DNAH9: variants seen among roughly 807,000 people sequenced by gnomAD.
The protein encoded by DNAH9 is dynein axonemal heavy chain 9.
Under a neutral mutation model 471.6 loss-of-function variants are expected in DNAH9, and 345 were observed. The ratio of observed to expected loss-of-function variants is 0.73; its 90% CI spans 0.67 to 0.80. The LOEUF is 0.80. DNAH9 is among the 30% of genes least tolerant of loss of function. The pLI, the probability that DNAH9 is intolerant of heterozygous loss-of-function variation, is 0.00. For synonymous variants in DNAH9, 2,093 were observed against 2,123.6 expected (o/e 0.99, Z 0.40); for missense variants, 5,407 against 5,609.2 (o/e 0.96, Z 1.15).
chr17:11,750,043 A>T (rs1353095874), intron 32 of DNAH9, among the ~76,000 whole-genome samples: 1 of 152,194 alleles, frequency 6.6e-6, no homozygotes, highest in Non-Finnish European at 1.5e-5. Context: ...TATTAGATTT[A>T]TACATTAAAT....
At chr17:11,774,629 C>T (rs144458623) in intron 38 of DNAH9, among the ~76,000 whole-genome samples, 5,224 of 152,212 alleles carry the variant, frequency 0.034, 118 homozygotes, top group South Asian at 0.068. Context: ...TACCTCCCAC[C>T]AGGTAGGACA....
Position 11,745,072 on chromosome 17 carries a change from C to T in DNAH9, c.6387C>T (p.Asn2129=), listed in dbSNP as rs2075500032. The part of the protein sequence containing the change: ...IVDLKLQAED[N]FVLKVVQLEE... The stretch of plus-strand genomic sequence containing the variant: ...ATCTGAAGCTCCAGGCTGAGGACAA[C>T]TTTGTGCTCAAGGTACATGTGGTTT... The change falls in exon 31 of 69, where the codon AAC becomes AAT. Residue 2129 remains asparagine, a synonymous_variant. Coordinates refer to ENST00000262442, the MANE Select transcript of DNAH9 (RefSeq NM_001372.4). 1 of 1,612,352 alleles carries T rather than the reference C, an allele frequency of 6.2e-7. No individual in the cohort carries two copies. The highest frequency in any genetic ancestry group is 8.5e-7 in the Non-Finnish European group (1 of 1,178,718).
intron 28 of DNAH9, among the ~76,000 whole-genome samples, chr17:11,737,186 CT>C (rs1463203173): frequency 1.3e-5 from 2 of 152,242 alleles, no homozygotes; most frequent in East Asian, 3.8e-4. Context: ...AAACTAATTG[CT>C]GTGAGCTCAA....
intron 17 of DNAH9, among the ~76,000 whole-genome samples, chr17:11,672,467 G>A (rs1419042780): frequency 6.6e-6 from 1 of 152,102 alleles, no homozygotes; most frequent in Non-Finnish European, 1.5e-5. Context: ...GGTAAGGTAT[G>A]GTTGCTCTTC....
In DNAH9 at chr17:11,738,964, G is replaced by C. The variant is rs141526585; in HGVS notation, c.5899G>C (p.Gly1967Arg). 6.2e-7 allele frequency: 1 copy of C among 1,613,922 alleles called. No homozygotes were observed. The change falls in exon 29 of 69, where the codon GGT becomes CGT. Residue 1967 changes from glycine to arginine, a missense_variant. Gly to Arg is a moderately radical substitution (Grantham distance 125, BLOSUM62 -2). Coordinates refer to ENST00000262442, the MANE Select transcript of DNAH9 (RefSeq NM_001372.4). ...GEEISLNPSV[G>R]IFITMNPGYA... ...GGAGATCAGCCTGAATCCTTCTGTCGGTATCTTCATCACCATGAACCCAGG... is the reference window on the plus strand; with the variant it reads ...GGAGATCAGCCTGAATCCTTCTGTCCGTATCTTCATCACCATGAACCCAGG...
intron 18 of DNAH9, among the ~76,000 whole-genome samples, chr17:11,680,314 C>T (rs1372580448): frequency 6.6e-6 from 1 of 151,034 alleles, no homozygotes; most frequent in African/African-American, 2.4e-5. Context: ...AAGAAAATAA[C>T]CAAGCAACCC....
intron 26 of DNAH9, among the ~76,000 whole-genome samples, chr17:11,706,752 A>G (rs2150780360): frequency 6.6e-6 from 1 of 152,316 alleles, no homozygotes; most frequent in South Asian, 2.1e-4. Context: ...TATTAAGAGG[A>G]TATACAGCAT....
chr17:11,735,514 C>A (rs1162981292), intron 28 of DNAH9, among the ~76,000 whole-genome samples: 1 of 152,068 alleles, frequency 6.6e-6, no homozygotes, highest in East Asian at 1.9e-4. Context: ...CGGCTCACTG[C>A]CACCTCTGCC....
intron 35 of DNAH9, among the ~76,000 whole-genome samples, chr17:11,758,375 T>C (rs1967498010): frequency 6.6e-6 from 1 of 152,204 alleles, no homozygotes; most frequent in Admixed American, 6.5e-5. Context: ...ACACTCTTTT[T>C]ATGGTTGTTG....
rs770232358 is a variant in DNAH9, at chr17:11,757,613, GA to G, written c.6919del (p.Ile2307SerfsTer8). On this transcript the variant is annotated frameshift_variant, in exon 35 of 69. Coordinates refer to ENST00000262442, the MANE Select transcript of DNAH9 (RefSeq NM_001372.4). LOFTEE classifies it high-confidence loss of function. ...AGTGAGCAGCTGGATTGAGAAGAGG[GA>G]AATCCAGACAGAGAGAGCCAACTTA... is the stretch of plus-strand genomic sequence containing the variant. ...PPVSSWIEKREIQTERANLTI... is the reference protein window; with the variant it reads ...PPVSSWIEKRXIQTERANLTI... The G allele has an allele frequency of 6.8e-6, 11 of 1,613,934 alleles. No individual in the cohort carries two copies. The highest frequency in any genetic ancestry group is 9.3e-6 in the Non-Finnish European group (11 of 1,179,806).
chr17:11,735,463 TCTCA>T (rs1241025429), intron 28 of DNAH9, among the ~76,000 whole-genome samples: 1 of 151,984 alleles, frequency 6.6e-6, no homozygotes, highest in Non-Finnish European at 1.5e-5. Flanking sequence ...TCAGATGGAG[TCTCA>T]CTCTGTCACG....
In DNAH9 at chr17:11,797,674, A is replaced by G; in HGVS notation, c.8301A>G (p.Lys2767=). The part of the protein sequence containing the change: ...CHFANGIGEP[K]YMPVQSWELL... ...TTGCAAATGGTATTGGGGAGCCCAAATACATGCCTGTACAGTCTTGGGAAC... is the reference window on the plus strand; with the variant it reads ...TTGCAAATGGTATTGGGGAGCCCAAGTACATGCCTGTACAGTCTTGGGAAC... Residue 2767 remains lysine, a synonymous_variant, in exon 43 of 69, where the codon AAA becomes AAG. Transcript: ENST00000262442. 1.2e-6 allele frequency: 2 copies of G among 1,614,232 alleles called. No homozygotes were observed. Among genetic ancestry groups the G allele is most frequent in the South Asian group, 1.1e-5 (1 of 91,088 alleles).
Position 11,689,876 on chromosome 17 carries a change from G to A in DNAH9, c.4054G>A (p.Ala1352Thr), listed in dbSNP as rs1342776025. 2.5e-6 allele frequency: 4 copies of A among 1,608,682 alleles called. No homozygotes were observed. Among genetic ancestry groups the A allele is most frequent in the Non-Finnish European group, 3.4e-6 (4 of 1,177,060 alleles). The change falls in exon 20 of 69, where the codon GCC becomes ACC. Residue 1352 changes from alanine to threonine, a missense_variant. By Grantham distance (58) the Ala-to-Thr change is moderately conservative. Coordinates refer to ENST00000262442, the MANE Select transcript of DNAH9 (RefSeq NM_001372.4). ...CCGAAACCTGGACAAGGAGGTCAGG[G>A]CCTGGGATGCATTCACAGGCCTGGA... ...HIRNLDKEVR[A>T]WDAFTGLEST...
intron 20 of DNAH9, among the ~76,000 whole-genome samples, chr17:11,692,575 G>A (rs987491574): frequency 4.6e-5 from 7 of 152,098 alleles, no homozygotes; most frequent in Non-Finnish European, 7.4e-5. Context: ...ATCTACTTAC[G>A]AATCAAGTGT....
At chr17:11,968,204 A>G (rs995534801) in intron 68 of DNAH9, among the ~76,000 whole-genome samples, 2 of 152,206 alleles carry the variant, frequency 1.3e-5, no homozygotes, top group Admixed American at 6.5e-5. Flanking sequence ...TGTTGGGGAA[A>G]AAAAAAGAGG....
At chr17:11,668,960 C>T in intron 15 of DNAH9, 104 bp from the exon 16 acceptor site, 1 of 785,708 alleles carries the variant, frequency 1.3e-6, no homozygotes, top group South Asian at 1.7e-5. Flanking sequence ...AGTCTAGCAG[C>T]CTATCTAAAG....
chr17:11,652,489 G>A (rs2150703134), intron 13 of DNAH9, among the ~76,000 whole-genome samples: 1 of 151,652 alleles, frequency 6.6e-6, no homozygotes, highest in Admixed American at 6.6e-5. Flanking sequence ...GTTTCACCGT[G>A]TTAGCCAGGA....
chr17:11,712,997 C>T (rs1265620860), intron 26 of DNAH9, among the ~76,000 whole-genome samples: 1 of 151,902 alleles, frequency 6.6e-6, no homozygotes, highest in African/African-American at 2.4e-5. Context: ...ATTATTTCAA[C>T]ACCCAGGTAT....
At chr17:11,964,592 G>C (rs1976532787) in intron 68 of DNAH9, among the ~76,000 whole-genome samples, 1 of 152,148 alleles carries the variant, frequency 6.6e-6, no homozygotes, top group South Asian at 2.1e-4. Context: ...CAAAAACTGA[G>C]TCAGAATCAA....
Sources: allele counts gnomAD v4.1 joint callset (sites outside exome capture counted in the v4.1 genomes callset), GRCh38; gene constraint gnomAD v4.1.1; transcripts MANE v1.5; gene names NCBI Gene and HGNC (gene_info 2026-07-23, HGNC 2026-07-21).